Variants in SLC24A2 observed in about 807,000 individuals in gnomAD.
SLC24A2 encodes the protein solute carrier family 24 member 2.
A neutral mutation model predicts 62.0 loss-of-function variants in SLC24A2; 36 were observed. That is an observed-to-expected ratio of 0.58 (90% confidence interval 0.44 to 0.77). The LOEUF (loss-of-function observed/expected upper bound fraction) is 0.77, where lower values mean the gene tolerates loss of function less well. SLC24A2 is among the 30% of genes least tolerant of loss of function. The probability of loss-of-function intolerance (pLI) is 0.00; values close to 1 mark genes in which losing one functional copy is unlikely to be tolerated. For missense variants in SLC24A2, 846 were observed against 817.9 expected, an observed-to-expected ratio of 1.03 and a Z score of -0.42; for synonymous variants, 358 against 294.0, an observed-to-expected ratio of 1.22 and a Z score of -2.23.
chr9:19,788,565 G>A (rs1220662813), intron 1 of SLC24A2: 155 of 985,310 alleles, frequency 1.6e-4, no homozygotes, highest in Non-Finnish European at 1.9e-4. Context: ...ATTTGGTGAG[G>A]CGCTTGGCCC....
chr9:20,074,109 C>G, the SLC24A2 span, among the ~76,000 whole-genome samples: 2 of 152,004 alleles, frequency 1.3e-5, no homozygotes, highest in Non-Finnish European at 2.9e-5. Flanking sequence ...TCATTTGAAG[C>G]TCTACCCACT....
At chr9:19,812,328 T>C in the SLC24A2 span, among the ~76,000 whole-genome samples, 1 of 152,108 alleles carries the variant, frequency 6.6e-6, no homozygotes, top group East Asian at 1.9e-4. Flanking sequence ...CTTTGTATTA[T>C]GTGTATTGTA....
At chr9:19,952,274 A>G in the SLC24A2 span, among the ~76,000 whole-genome samples, 1 of 151,950 alleles carries the variant, frequency 6.6e-6, no homozygotes, top group Non-Finnish European at 1.5e-5. Flanking sequence ...ACAGTTTTAT[A>G]TTTTCTTTTC....
At chr9:19,963,200 C>T in the SLC24A2 span, among the ~76,000 whole-genome samples, 2 of 127,144 alleles carry the variant, frequency 1.6e-5, no homozygotes, top group African/African-American at 5.4e-5. Flanking sequence ...TTCCTTACAC[C>T]TTATATACAA....
chr9:20,269,181 G>A, the SLC24A2 span, among the ~76,000 whole-genome samples: 1 of 152,124 alleles, frequency 6.6e-6, no homozygotes, highest in Non-Finnish European at 1.5e-5. Context: ...TCTTAGCCGT[G>A]AAGGAGTCTA....
chr9:20,027,937 A>T, the SLC24A2 span, among the ~76,000 whole-genome samples: 3 of 152,176 alleles, frequency 2.0e-5, no homozygotes, highest in African/African-American at 7.2e-5. Flanking sequence ...GCTTTAGGCC[A>T]ATTCAGTGAT....
At chr9:19,782,326 A>G in intron 2 of SLC24A2, among the ~76,000 whole-genome samples, 1 of 152,230 alleles carries the variant, frequency 6.6e-6, no homozygotes, top group East Asian at 1.9e-4. Context: ...CATTTTAAGA[A>G]GAGAGCCCCA....
chr9:19,979,236 G>A, the SLC24A2 span, among the ~76,000 whole-genome samples: 1 of 152,190 alleles, frequency 6.6e-6, no homozygotes, highest in African/African-American at 2.4e-5. Context: ...ATCACTTGGA[G>A]TGATTAAAAA....
At chr9:19,912,543 TTCTA>T in the SLC24A2 span, among the ~76,000 whole-genome samples, 2,630 of 152,194 alleles carry the variant, frequency 0.017, 32 homozygotes, top group Non-Finnish European at 0.027. Context: ...CCATAAACAA[TTCTA>T]TCTTTTTTCT....
the SLC24A2 span, among the ~76,000 whole-genome samples, chr9:19,924,526 G>A: frequency 6.6e-6 from 1 of 152,164 alleles, no homozygotes; most frequent in African/African-American, 2.4e-5. Flanking sequence ...AGTGGGATCA[G>A]TGCTTCCAGA....
At chr9:19,753,555 A>G (rs1290819053) in intron 2 of SLC24A2, among the ~76,000 whole-genome samples, 6 of 152,116 alleles carry the variant, frequency 3.9e-5, no homozygotes, top group Non-Finnish European at 8.8e-5. Context: ...ATTCATTTCT[A>G]TTTTTTAAGA....
chr9:20,178,833 T>A, the SLC24A2 span, among the ~76,000 whole-genome samples: 2 of 151,814 alleles, frequency 1.3e-5, no homozygotes, highest in African/African-American at 4.8e-5. Context: ...ACATTTAGAG[T>A]TTTTAAAGAA....
chr9:19,977,113 T>TTGTGTG, the SLC24A2 span, among the ~76,000 whole-genome samples: 7,700 of 145,220 alleles, frequency 0.053, 273 homozygotes, highest in East Asian at 0.16. Flanking sequence ...ATTTCTATAT[T>TTGTGTG]TGTGTGTGTG....
chr9:20,106,207 TA>T, the SLC24A2 span, among the ~76,000 whole-genome samples: 3 of 152,172 alleles, frequency 2.0e-5, no homozygotes, highest in Non-Finnish European at 4.4e-5. Context: ...CAATAATCAA[TA>T]GCTTACCAAC....
chr9:19,686,273 T>G (rs1212897885), intron 2 of SLC24A2, among the ~76,000 whole-genome samples: 1 of 152,012 alleles, frequency 6.6e-6, no homozygotes, highest in African/African-American at 2.4e-5. Context: ...GCTGGTGAGG[T>G]TGCAGAGTGA....
At chr9:20,244,180 T>C in the SLC24A2 span, among the ~76,000 whole-genome samples, 163 of 152,038 alleles carry the variant, frequency 1.1e-3, 1 homozygote, top group African/African-American at 3.9e-3. Context: ...TGAAGAAAAA[T>C]AAACTCAGAT....
chr9:19,566,284 A>AT (rs1269261336), intron 7 of SLC24A2, among the ~76,000 whole-genome samples: 1 of 150,148 alleles, frequency 6.7e-6, no homozygotes, highest in East Asian at 1.9e-4. Flanking sequence ...AAACAACCCC[A>AT]TCAAAAAGTG....
chr9:20,157,717 GAAGAGAAA>G, the SLC24A2 span, among the ~76,000 whole-genome samples: 1 of 151,342 alleles, frequency 6.6e-6, no homozygotes, highest in East Asian at 1.9e-4. Context: ...ATGTGGCAGT[GAAGAGAAA>G]AAGAGAAATA....
At chr9:19,628,282 G>T (rs1818084785) in intron 2 of SLC24A2, among the ~76,000 whole-genome samples, 1 of 152,120 alleles carries the variant, frequency 6.6e-6, no homozygotes, top group African/African-American at 2.4e-5. Context: ...AACAGTAATG[G>T]TGATTATTTA....
Sources: allele counts gnomAD v4.1 joint callset (sites outside exome capture counted in the v4.1 genomes callset), GRCh38; gene constraint gnomAD v4.1.1; transcripts MANE v1.5; gene names NCBI Gene and HGNC (gene_info 2026-07-23, HGNC 2026-07-21).